The following LRP2 variants were observed in gnomAD, a reference collection of about 807,000 sequenced individuals.
The protein encoded by LRP2 is LDL receptor related protein 2.
LRP2 carries 172 observed loss-of-function variants against 531.0 expected under a neutral mutation model. That is an observed-to-expected ratio of 0.32 (90% CI 0.29 to 0.37). LRP2 has a LOEUF of 0.37. Ranked by LOEUF, LRP2 falls within the 10% of genes least tolerant of loss-of-function variation. The pLI, the probability that LRP2 is intolerant of heterozygous loss-of-function variation, is 1.00. For synonymous variants in LRP2, 1,992 were observed against 2,027.6 expected (o/e 0.98, Z 0.47); for missense variants, 5,167 against 5,868.3 (o/e 0.88, Z 3.90).
At chr2:169,215,758 A>G (rs1317857084) in intron 35 of LRP2, among the ~76,000 whole-genome samples, 1 of 147,628 alleles carries the variant, frequency 6.8e-6, no homozygotes, top group Non-Finnish European at 1.5e-5. Context: ...TATAGATCAT[A>G]TATAGAATCT....
chr2:169,178,084 T>C (rs1302482861), intron 52 of LRP2, 58 bp from the exon 53 acceptor site: 1 of 1,241,976 alleles, frequency 8.1e-7, no homozygotes, highest in Non-Finnish European at 1.2e-6. Flanking sequence ...CTCTAATGTC[T>C]TGCAGGATAA....
At chr2:169,142,619 A>G in intron 71 of LRP2, 55 bp downstream of exon 71, 1 of 1,608,992 alleles carries the variant, frequency 6.2e-7, no homozygotes, top group East Asian at 2.2e-5. Context: ...CTGACTCCTG[A>G]AGGCAGCAGA....
chr2:169,176,373 C>G, intron 54 of LRP2, 38 bp downstream of exon 54: 1 of 1,612,594 alleles, frequency 6.2e-7, no homozygotes, highest in Non-Finnish European at 8.5e-7. Flanking sequence ...TGTCCACGGG[C>G]TAGAGAGGCA....
At chr2:169,232,784 T>A (rs1296112953) in intron 30 of LRP2, among the ~76,000 whole-genome samples, 1 of 152,076 alleles carries the variant, frequency 6.6e-6, no homozygotes, top group African/African-American at 2.4e-5. Context: ...TGGACCATAA[T>A]GAAATCCAAT....
chr2:169,178,957 T>A (rs1045458176), intron 52 of LRP2, among the ~76,000 whole-genome samples: 7 of 152,094 alleles, frequency 4.6e-5, no homozygotes, highest in Non-Finnish European at 4.4e-5. Flanking sequence ...AGGATGCAGG[T>A]AAATGACCAG....
intron 35 of LRP2, among the ~76,000 whole-genome samples, chr2:169,214,124 C>T (rs539214322): frequency 3.9e-5 from 6 of 151,972 alleles, no homozygotes; most frequent in African/African-American, 7.2e-5. Flanking sequence ...TCAGGTGGCA[C>T]GGTGAAGAAA....
At position 169,157,487 on chromosome 2, in the gene LRP2, C is replaced by T; in HGVS notation, c.11903G>A (p.Arg3968Lys). ...DELGCNKGKE[R>K]TCAENICEQN... ...CTCGCATATATTTTCAGCACATGTT[C>T]TTTCTTTTCCTTTATCTGAAAAACA... Residue 3968 changes from arginine (R) to lysine (K), a missense_variant, in exon 64 of 79, where the codon AGA (arginine) becomes AAA (lysine). This residue lies in a region of LRP2 where 564 missense variants were observed against 747.7 expected (regional missense o/e 0.75). Coordinates refer to ENST00000649046, the MANE Select transcript of LRP2 (RefSeq NM_004525.3). 1 of 1,612,904 alleles carries T rather than the reference C, an allele frequency of 6.2e-7. No homozygotes were observed. Among genetic ancestry groups the T allele is most frequent in the Non-Finnish European group, 8.5e-7 (1 of 1,179,352 alleles).
intron 6 of LRP2, 122 bp downstream of exon 6, chr2:169,294,026 G>A (rs1190176249): frequency 1.3e-6 from 1 of 747,558 alleles, no homozygotes; most frequent in East Asian, 2.6e-5. Flanking sequence ...ATCAAACGTA[G>A]TGACTCTTCT....
rs765451520 is a variant in LRP2, at chr2:169,275,072, C to T, written c.1939G>A (p.Gly647Arg). The T allele has an allele frequency of 6.2e-7, 1 of 1,613,630 alleles. No homozygotes were observed. ...CTGAGGGAATGGTAAACAGTCACTC[C>T]ATAGGGCCTCAGGGAAGCCTGGTAG... ...VYYQASLRPY[G>R]VTVYHSLRQP... is the part of the protein sequence containing the mutation. Residue 647 changes from glycine to arginine, a missense_variant, in exon 14 of 79, where the codon GGA becomes AGA. By Grantham distance (125) the Gly-to-Arg change is moderately radical (BLOSUM62 -2). Around this residue, in one of 6 missense-constraint regions of LRP2, gnomAD observed 2,811 missense variants for 3,058.0 expected, o/e 0.92. Coordinates refer to ENST00000649046, the MANE Select transcript of LRP2 (RefSeq NM_004525.3).
chr2:169,328,441 T>TAAAAAAA (rs537210492), intron 1 of LRP2, among the ~76,000 whole-genome samples: 4 of 49,002 alleles, frequency 8.2e-5, no homozygotes, highest in Admixed American at 2.6e-4. Flanking sequence ...CGGGCCGGGA[T>TAAAAAAA]AAAAAAAAAA....
intron 1 of LRP2, 77 bp from the exon 2 acceptor site, chr2:169,320,961 A>ACTAAT: frequency 9.7e-7 from 1 of 1,029,618 alleles, no homozygotes; most frequent in Non-Finnish European, 1.5e-6. Flanking sequence ...TTTTGATAAA[A>ACTAAT]TGAAAAATTA....
intron 37 of LRP2, among the ~76,000 whole-genome samples, chr2:169,210,053 G>C (rs112172369): frequency 0.11 from 16,546 of 152,066 alleles, 1,927 homozygotes; most frequent in African/African-American, 0.29. Context: ...AAAAATTTGA[G>C]CCCATAATAA....
intron 57 of LRP2, among the ~76,000 whole-genome samples, 184 bp downstream of exon 57, chr2:169,172,912 C>A (rs1361913559): frequency 1.3e-5 from 2 of 152,098 alleles, no homozygotes; most frequent in African/African-American, 2.4e-5. Flanking sequence ...AATTAAATAC[C>A]CCTGGTAACC....
intron 3 of LRP2, among the ~76,000 whole-genome samples, chr2:169,317,133 T>C (rs868722069): frequency 6.6e-6 from 1 of 152,204 alleles, no homozygotes; most frequent in East Asian, 1.9e-4. Flanking sequence ...TCATTTAAAA[T>C]GATATGCAAT....
chr2:169,208,550 G>A (rs545411804), intron 38 of LRP2, among the ~76,000 whole-genome samples: 10 of 152,086 alleles, frequency 6.6e-5, no homozygotes, highest in South Asian at 4.2e-4. Context: ...TCCACCTCCC[G>A]GCTTCAAGAG....
Position 169,140,429 on chromosome 2 carries a change from G to A in LRP2, c.13199+26C>T, listed in dbSNP as rs779482194. The A allele has an allele frequency of 2.5e-5, 39 of 1,589,576 alleles. No individual in the cohort carries two copies. In the Admixed American group the frequency reaches 6.0e-4, roughly 24 times the overall value. On this transcript the variant is annotated intron_variant, in intron 72 of 78. Transcript: ENST00000649046. ...TTCCCCAGAAGAGGCAAGGCCTATA[G>A]CTGGGACCTCAACATTCAGACTTAC... is the stretch of plus-strand genomic sequence containing the variant.
At chr2:169,135,497 C>T (rs1049895421) in intron 76 of LRP2, among the ~76,000 whole-genome samples, 5 of 152,104 alleles carry the variant, frequency 3.3e-5, no homozygotes, top group African/African-American at 1.2e-4. Flanking sequence ...GACAGTGGAC[C>T]GGCCTTTACT....
In LRP2 at chr2:169,246,827, G is replaced by T. The variant is rs776970596; in HGVS notation, c.3068C>A (p.Thr1023Lys). ...CEGDPTNEPP[T>K]EQCGLFSFPC... Reference sequence around the variant, plus strand: ...GAAGGAAAATAAGCCACACTGCTCTGTGGGTGGTTCATTGGTTGGGTCCCC... The same window carrying T: ...GAAGGAAAATAAGCCACACTGCTCTTTGGGTGGTTCATTGGTTGGGTCCCC... The change falls in exon 21 of 79, where the codon ACA becomes AAA. Residue 1023 changes from threonine (T) to lysine (K), a missense_variant. By Grantham distance (78) the Thr-to-Lys change is moderately conservative. Around this residue, in one of 6 missense-constraint regions of LRP2, gnomAD observed 2,811 missense variants for 3,058.0 expected, o/e 0.92. Coordinates refer to ENST00000649046, the MANE Select transcript of LRP2 (RefSeq NM_004525.3). The T allele has an allele frequency of 1.2e-6, 2 of 1,614,044 alleles. No individual in the cohort carries two copies. The highest frequency in any genetic ancestry group is 1.7e-6 in the Non-Finnish European group (2 of 1,180,030).
At chr2:169,355,085 A>G (rs551840982) in intron 1 of LRP2, among the ~76,000 whole-genome samples, 85 of 152,354 alleles carry the variant, frequency 5.6e-4, no homozygotes, top group African/African-American at 2.0e-3. Context: ...CTCATTTTCC[A>G]GAACTTTCCT....
Sources: allele counts gnomAD v4.1 joint callset (sites outside exome capture counted in the v4.1 genomes callset), GRCh38; gene constraint gnomAD v4.1.1; regional missense constraint gnomAD v4.1.1; transcripts MANE v1.5; gene names NCBI Gene and HGNC (gene_info 2026-07-23, HGNC 2026-07-21).